Variants in CELF5 observed in about 807,000 individuals in gnomAD.
CELF5 encodes the protein CUG-BP and ETR-3 like factor 5.
In CELF5, 6 loss-of-function variants were observed where a neutral mutation model predicts 54.9. The ratio of observed to expected loss-of-function variants is 0.11; its 90% confidence interval spans 0.06 to 0.22. The LOEUF is 0.22. Ranked by LOEUF, CELF5 falls within the 10% of genes least tolerant of loss-of-function variation. The probability of loss-of-function intolerance (pLI) is 1.00; values close to 1 mark genes in which losing one functional copy is unlikely to be tolerated. For synonymous variants in CELF5, 271 were observed against 290.9 expected, an observed-to-expected ratio of 0.93 and a Z score of 0.70; for missense variants, 401 against 678.6, an observed-to-expected ratio of 0.59 and a Z score of 4.54.
intron 2 of CELF5, among the ~76,000 whole-genome samples, chr19:3,270,293 G>C (rs571355814): frequency 6.6e-6 from 1 of 152,278 alleles, no homozygotes; most frequent in East Asian, 1.9e-4. Context: ...CTGAAGAAAC[G>C]GAGAGGAAGG....
At chr19:3,258,150 G>A (rs56192531) in intron 2 of CELF5, among the ~76,000 whole-genome samples, 16,207 of 151,858 alleles carry the variant, frequency 0.11, 892 homozygotes, top group Non-Finnish European at 0.12. Context: ...TAGAGATGGC[G>A]TTTCACCATG....
At chr19:3,235,225 A>C (rs966284718) in intron 1 of CELF5, among the ~76,000 whole-genome samples, 1 of 151,806 alleles carries the variant, frequency 6.6e-6, no homozygotes, top group African/African-American at 2.4e-5. Flanking sequence ...CTCTTCTGTA[A>C]GCTTCACCTT....
rs2080034657 is a variant in CELF5, at chr19:3,275,576, G to C, written c.395-280G>C. 6.6e-6 allele frequency among the ~76,000 whole-genome samples: 1 copy of C among 152,246 alleles called. No individual in the cohort carries two copies. Among genetic ancestry groups the C allele is most frequent in the African/African-American group, 2.4e-5 (1 of 41,474 alleles). On this transcript the variant is annotated intron_variant, in intron 3 of 12. Transcript: ENST00000292672. This position sits in a 1 kb window ranked among gnomAD's most constrained non-coding sequence, Gnocchi z 6.7. The stretch of plus-strand genomic sequence containing the variant: ...CGCCTGGAGGGGGAGCAGTGGAGCA[G>C]AGACCCCAAAAGACTGCAGGGAGGG...
At chr19:3,293,540 C>T (rs1285379718) in intron 12 of CELF5, 54 bp downstream of exon 12, 2 of 1,438,702 alleles carry the variant, frequency 1.4e-6, no homozygotes, top group South Asian at 1.3e-5. Context: ...TGTCTGAAAC[C>T]CCCTCCCGCG....
At chr19:3,247,249 C>T (rs2079579803) in intron 1 of CELF5, among the ~76,000 whole-genome samples, 3 of 152,130 alleles carry the variant, frequency 2.0e-5, no homozygotes, top group Admixed American at 2.0e-4. Context: ...GCCTTGGCCT[C>T]CCGAGTAGCT....
chr19:3,265,440 C>A (rs2079868520), intron 2 of CELF5, among the ~76,000 whole-genome samples: 2 of 152,200 alleles, frequency 1.3e-5, no homozygotes, highest in Non-Finnish European at 2.9e-5. Flanking sequence ...AGGGCCACCC[C>A]ATGGGCAGTG....
In CELF5 at chr19:3,282,279, C is replaced by G. The variant is rs771754422; in HGVS notation, c.892+12C>G. 2 of 1,610,952 alleles carry G rather than the reference C, an allele frequency of 1.2e-6. No homozygotes were observed. Among genetic ancestry groups the G allele is most frequent in the Admixed American group, 1.7e-5 (1 of 60,010 alleles). Reference sequence around the variant, plus strand: ...CGCTCCTGCCTCTGGTGAGCCTCCTCCAGGCACCCAAGGATGGGTGGGCAG... The same window carrying G: ...CGCTCCTGCCTCTGGTGAGCCTCCTGCAGGCACCCAAGGATGGGTGGGCAG... On this transcript the variant is annotated intron_variant, in intron 7 of 12. Transcript: ENST00000292672. The surrounding 1 kb of genome is among the most constrained non-coding windows in gnomAD (Gnocchi z 5.2).
rs756376770 is a variant in CELF5 at position 3,290,225 on chromosome 19, C to T, written c.1187-6C>T. The T allele has an allele frequency of 1.2e-6, 2 of 1,613,126 alleles. No homozygotes were observed. The highest frequency in any genetic ancestry group is 1.1e-5 in the South Asian group (1 of 91,044). ...GGCTTTATGTCTTTCTCTCCCCCAC[C>T]TGCAGGTCCCGAGGGCTGTAACCTG... On this transcript the variant is annotated splice_region_variant and splice_polypyrimidine_tract_variant and intron_variant, in intron 10 of 12. Coordinates refer to ENST00000292672, the MANE Select transcript of CELF5 (RefSeq NM_021938.4).
chr19:3,257,451 T>G (rs73519467), intron 2 of CELF5, among the ~76,000 whole-genome samples: 16,237 of 152,138 alleles, frequency 0.11, 978 homozygotes, highest in Middle Eastern at 0.18. Context: ...GGTTTGTTTG[T>G]TTCCACTTTT....
chr19:3,290,589 A>G (rs1361415601), intron 11 of CELF5, among the ~76,000 whole-genome samples: 1 of 140,984 alleles, frequency 7.1e-6, no homozygotes. Context: ...TTTGAGACAG[A>G]GTCTCGCTCT....
chr19:3,230,954 A>G (rs1367060255), intron 1 of CELF5, among the ~76,000 whole-genome samples: 1 of 152,238 alleles, frequency 6.6e-6, no homozygotes, highest in East Asian at 1.9e-4. Context: ...ATACAGCAGT[A>G]CAGCTGGGCT....
At position 3,286,035 on chromosome 19, in the gene CELF5, C is replaced by T. The variant is rs1259791334; in HGVS notation, c.1186+10C>T. The T allele has an allele frequency of 6.4e-7, 1 of 1,561,418 alleles. No individual in the cohort carries two copies. On this transcript the variant is annotated intron_variant, in intron 10 of 12. Coordinates refer to ENST00000292672, the MANE Select transcript of CELF5 (RefSeq NM_021938.4). ...CAGCAGCAGCGAGAAGGTGAGGCGG[C>T]CGCAACCTCCCCTGGGCGCCAGCCC... is the stretch of plus-strand genomic sequence containing the variant.
chr19:3,277,119 C>G (rs1030931566), intron 4 of CELF5, among the ~76,000 whole-genome samples: 2 of 148,380 alleles, frequency 1.3e-5, no homozygotes, highest in Admixed American at 1.3e-4. Flanking sequence ...CCACTCTGGT[C>G]TTTCTTACCT....
chr19:3,230,166 A>G (rs1917189226), intron 1 of CELF5, among the ~76,000 whole-genome samples: 1 of 152,134 alleles, frequency 6.6e-6, no homozygotes, highest in Admixed American at 6.5e-5. Context: ...ACTGAGCAAG[A>G]GGGGTCTGAG....
intron 1 of CELF5, among the ~76,000 whole-genome samples, chr19:3,246,496 G>C (rs1401088444): frequency 6.6e-6 from 1 of 152,066 alleles, no homozygotes; most frequent in African/African-American, 2.4e-5. Context: ...TTGAGCCCAA[G>C]AGTTCAGGAC....
chr19:3,251,214 A>T (rs1037121308), intron 2 of CELF5, 147 bp downstream of exon 2: 2 of 628,782 alleles, frequency 3.2e-6, no homozygotes, highest in East Asian at 2.7e-5. Context: ...TATAGAAATC[A>T]TCATAATAGT....
chr19:3,285,561 C>T (rs980155604), intron 9 of CELF5, among the ~76,000 whole-genome samples: 3 of 150,634 alleles, frequency 2.0e-5, no homozygotes, highest in Non-Finnish European at 4.4e-5. Flanking sequence ...TGACCCCACC[C>T]CTCAAGCAAT....
rs142432011 is a variant in CELF5 at position 3,228,437 on chromosome 19, C to A, written c.259+3439C>A. Among the ~76,000 whole-genome samples the A allele has an allele frequency of 3.6e-3, 551 of 152,368 alleles. 7 individuals carry two copies. The highest frequency in any genetic ancestry group is 0.013 in the African/African-American group (526 of 41,592). On this transcript the variant is annotated intron_variant, in intron 1 of 12. Coordinates refer to ENST00000292672, the MANE Select transcript of CELF5 (RefSeq NM_021938.4). The surrounding 1 kb of genome is among the most constrained non-coding windows in gnomAD (Gnocchi z 6.0). ...AAGGCAGGCACCTCTGGAGCTGTGG[C>A]TGCCCCTGTCTATGGATGGTGGCTG...
chr19:3,229,755 G>A (rs188013873), intron 1 of CELF5, among the ~76,000 whole-genome samples: 4 of 152,312 alleles, frequency 2.6e-5, no homozygotes, highest in Admixed American at 2.0e-4. Context: ...ACATGACTAC[G>A]CTGAGGCCCG....
Sources: gnomAD v4.1 joint callset for allele counts (sites outside exome capture counted in the v4.1 genomes callset) on GRCh38, gnomAD v4.1.1 for gene constraint, Gnocchi (gnomAD v3.1) non-coding constraint, MANE v1.5 for transcripts, NCBI Gene and HGNC (gene_info 2026-07-23, HGNC 2026-07-21) for gene names.